Variants in TET1 observed in about 807,000 individuals in gnomAD.
TET1 encodes methylcytosine dioxygenase TET1.
A neutral mutation model predicts 148.7 loss-of-function variants in TET1; 13 were observed. The observed-to-expected ratio is 0.09, with a 90% CI of 0.06 to 0.14. TET1 has a LOEUF of 0.14. Ranked by LOEUF, TET1 falls within the 10% of genes least tolerant of loss-of-function variation. The pLI is 1.00. For synonymous variants in TET1, 907 were observed against 937.2 expected (o/e 0.97, Z 0.59); for missense variants, 2,182 against 2,553.8 (o/e 0.85, Z 3.14).
intron 3 of TET1, among the ~76,000 whole-genome samples, chr10:68,637,515 A>G (rs1221664018): frequency 2.0e-5 from 1 of 50,322 alleles, no homozygotes; most frequent in Admixed American, 2.3e-4. Flanking sequence ...GTTGTTTCCT[A>G]TTCTTTTTTT....
chr10:68,607,198 T>C (rs2054136631), intron 3 of TET1, among the ~76,000 whole-genome samples: 1 of 152,090 alleles, frequency 6.6e-6, no homozygotes, highest in Admixed American at 6.6e-5. Context: ...CTTGAATTCT[T>C]CCTAGTCCAC....
At chr10:68,608,613 C>A (rs182443558) in intron 3 of TET1, among the ~76,000 whole-genome samples, 27 of 152,260 alleles carry the variant, frequency 1.8e-4, no homozygotes, top group African/African-American at 5.8e-4. Context: ...TGGCTCACTG[C>A]AACCTCCACC....
chr10:68,572,870 C>T lies in TET1; in HGVS notation c.532C>T (p.Pro178Ser). 6.2e-7 allele frequency: 1 copy of T among 1,614,142 alleles called. No individual in the cohort carries two copies. Among genetic ancestry groups the T allele is most frequent in the Non-Finnish European group, 8.5e-7 (1 of 1,180,040 alleles). ...DIETLIGVQN[P>S]SLLKGKSQET... Reference sequence around the variant, plus strand: ...AGAGACTCTAATTGGTGTACAAAATCCCTCTTTACTTAAAGGTAAGAGCCA... The same window carrying T: ...AGAGACTCTAATTGGTGTACAAAATTCCTCTTTACTTAAAGGTAAGAGCCA... The change falls in exon 2 of 12, where the codon CCC becomes TCC. Residue 178 changes from proline to serine, a missense_variant. By Grantham distance (74) the Pro-to-Ser change is moderately conservative. Transcript: ENST00000373644.
At chr10:68,590,781 G>A (rs1323385627) in intron 2 of TET1, among the ~76,000 whole-genome samples, 2 of 151,978 alleles carry the variant, frequency 1.3e-5, no homozygotes, top group African/African-American at 4.8e-5. Context: ...GACAGAGCAA[G>A]GCCCTGTCTC....
rs200983988 is a variant in TET1 at position 68,692,941 on chromosome 10, GA to G, written c.*1137del. 5.4e-4 allele frequency: 121 copies of G among 222,554 alleles called. 2 individuals carry two copies. In the South Asian group the frequency reaches 0.015, roughly 27 times the overall value. The allele number at this position is 222,554 out of a possible 1,614,324, so 13.8% of individuals were successfully genotyped here. A position where few individuals can be genotyped will look rare whatever the true frequency, so the allele number is the denominator to read the frequency against. On this transcript the variant is annotated 3_prime_UTR_variant, in exon 12 of 12. Transcript: ENST00000373644. ...TGTACTGAAGTCTGATACAGAATTA[GA>G]AAAAAAAAATTCTTGTTGAAATATT... is the stretch of plus-strand genomic sequence containing the variant.
intron 8 of TET1, chr10:68,674,616 A>G (rs1589128908): frequency 2.0e-6 from 1 of 493,616 alleles, no homozygotes; most frequent in Non-Finnish European, 3.9e-6. Context: ...ATGAGCTTCC[A>G]TGGCGTGGAT....
At chr10:68,651,979 A>T in intron 5 of TET1, 43 bp downstream of exon 5, 10 of 1,526,496 alleles carry the variant, frequency 6.6e-6, no homozygotes, top group Non-Finnish European at 9.0e-6. Flanking sequence ...CTTACTGTGG[A>T]TCTGACTCAA....
intron 2 of TET1, among the ~76,000 whole-genome samples, chr10:68,580,347 G>A (rs2053779653): frequency 1.0e-5 from 1 of 100,188 alleles, no homozygotes; most frequent in Non-Finnish European, 1.8e-5. Context: ...TTGAGACAGA[G>A]TCTTGCTCTG....
intron 1 of TET1, among the ~76,000 whole-genome samples, chr10:68,568,217 C>CTTTTT (rs566751115): frequency 3.2e-5 from 3 of 93,810 alleles, no homozygotes; most frequent in Non-Finnish European, 4.1e-5. Flanking sequence ...CGCGCCCAGT[C>CTTTTT]TTTTTTTTTT....
intron 3 of TET1, among the ~76,000 whole-genome samples, chr10:68,638,059 G>A (rs928318001): frequency 4.6e-5 from 7 of 152,098 alleles, no homozygotes; most frequent in Admixed American, 6.6e-5. Flanking sequence ...GATTACAGGC[G>A]TGAGCCACCA....
chr10:68,665,128 A>G (rs1370997688), intron 6 of TET1, among the ~76,000 whole-genome samples: 1 of 151,838 alleles, frequency 6.6e-6, no homozygotes, highest in Non-Finnish European at 1.5e-5. Context: ...TGCTTTGCCC[A>G]CTCCTAGGTC....
At chr10:68,633,821 A>G (rs1338866116) in intron 3 of TET1, among the ~76,000 whole-genome samples, 2 of 152,172 alleles carry the variant, frequency 1.3e-5, no homozygotes, top group Non-Finnish European at 2.9e-5. Flanking sequence ...AGGTAAAAAT[A>G]TAGAACATAT....
At chr10:68,606,606 C>CG (rs1564964281) in intron 3 of TET1, among the ~76,000 whole-genome samples, 1 of 140,346 alleles carries the variant, frequency 7.1e-6, no homozygotes, top group East Asian at 2.1e-4. Flanking sequence ...AAAACAAAAA[C>CG]AAAAAAAAAA....
At chr10:68,595,609 C>CTTTTTTTT (rs1564958558) in intron 2 of TET1, among the ~76,000 whole-genome samples, 1 of 89,376 alleles carries the variant, frequency 1.1e-5, no homozygotes, top group African/African-American at 5.0e-5. Flanking sequence ...ACACACACAG[C>CTTTTTTTT]TTCTTTTTTT....
At chr10:68,690,404 G>A (rs1589137471) in intron 11 of TET1, among the ~76,000 whole-genome samples, 2 of 152,082 alleles carry the variant, frequency 1.3e-5, no homozygotes, top group South Asian at 2.1e-4. Flanking sequence ...TCAGGAGATC[G>A]AGACCATCCT....
chr10:68,691,274 GGAA>G lies in TET1; in HGVS notation c.5877_5879del (p.Glu1959del). Reference sequence around the variant, plus strand: ...CTCAAGACCTTGCCTCTTCTCCAATGGAAGAAGATGAGCAGCATTCTGAAGCAG... The same window carrying G: ...CTCAAGACCTTGCCTCTTCTCCAATGGAAGATGAGCAGCATTCTGAAGCAG... On this transcript the variant is annotated inframe_deletion, in exon 12 of 12. Transcript: ENST00000373644. This position sits in a 1 kb window ranked among gnomAD's most constrained non-coding sequence, Gnocchi z 4.4. 1.2e-6 allele frequency: 2 copies of G among 1,614,106 alleles called. No individual in the cohort carries two copies. Among genetic ancestry groups the G allele is most frequent in the South Asian group, 1.1e-5 (1 of 91,076 alleles).
intron 1 of TET1, among the ~76,000 whole-genome samples, chr10:68,568,840 G>C (rs376401977): frequency 1.3e-5 from 2 of 152,004 alleles, no homozygotes; most frequent in East Asian, 3.9e-4. Context: ...GACAGAGTGA[G>C]ACCCTGTCTC....
chr10:68,606,641 T>C (rs75613164), intron 3 of TET1, among the ~76,000 whole-genome samples: 3,442 of 152,040 alleles, frequency 0.023, 49 homozygotes, highest in Middle Eastern at 0.041. Flanking sequence ...GATAGGTCCT[T>C]ATAGTCCCAG....
intron 1 of TET1, among the ~76,000 whole-genome samples, chr10:68,571,605 G>A (rs1026625028): frequency 2.0e-5 from 3 of 151,368 alleles, no homozygotes; most frequent in Non-Finnish European, 2.9e-5. Flanking sequence ...TCACCATGTT[G>A]GCCAGGCTGG....
Sources: allele counts gnomAD v4.1 joint callset (sites outside exome capture counted in the v4.1 genomes callset), GRCh38; gene constraint gnomAD v4.1.1; non-coding constraint Gnocchi (gnomAD v3.1); transcripts MANE v1.5; gene names NCBI Gene and HGNC (gene_info 2026-07-23, HGNC 2026-07-21).